The following ZBTB20 variants were observed in gnomAD, a reference collection of about 807,000 sequenced individuals.
The protein encoded by ZBTB20 is zinc finger and BTB domain-containing protein 20.
Under a neutral mutation model 56.9 loss-of-function variants are expected in ZBTB20, and 9 were observed. That is an observed-to-expected ratio of 0.16 (90% CI 0.10 to 0.28). The LOEUF (loss-of-function observed/expected upper bound fraction) is 0.28. ZBTB20 is among the 10% of genes least tolerant of loss of function. ZBTB20 has a pLI of 1.00. For missense variants in ZBTB20, 655 were observed against 1,003.0 expected, an observed-to-expected ratio of 0.65 and a Z score of 4.69; for synonymous variants, 417 against 420.7, an observed-to-expected ratio of 0.99 and a Z score of 0.11.
chr3:114,930,736 G>A, intron 3 of ZBTB20: 1 of 240,308 alleles, frequency 4.2e-6, no homozygotes, highest in Non-Finnish European at 8.7e-6. Flanking sequence ...CTATGCGAAT[G>A]GCACCAAGGA....
At chr3:114,909,851 A>C (rs1184752184) in intron 3 of ZBTB20, among the ~76,000 whole-genome samples, 1 of 152,042 alleles carries the variant, frequency 6.6e-6, no homozygotes, top group Non-Finnish European at 1.5e-5. Context: ...GCTAAAAAGA[A>C]AAGACAAGAC....
In ZBTB20 at chr3:114,351,754, C is replaced by G. The variant is rs971637516; in HGVS notation, c.324G>C (p.Val108=). 2.2e-5 allele frequency: 36 copies of G among 1,613,918 alleles called. No homozygotes were observed. The highest frequency in any genetic ancestry group is 2.6e-5 in the Non-Finnish European group (31 of 1,179,978). ...RNRGHFCDVT[V]RIHGSMLRAH... ...CGCGCAGCATGCTCCCGTGGATGCGCACCGTTACGTCACAGAAGTGGCCAC... is the reference window on the plus strand; with the variant it reads ...CGCGCAGCATGCTCCCGTGGATGCGGACCGTTACGTCACAGAAGTGGCCAC... The change falls in exon 11 of 12, where the codon GTG becomes GTC. Residue 108 remains valine (V), a synonymous_variant. Transcript: ENST00000675478.
At chr3:114,860,916 A>G (rs758237403) in intron 4 of ZBTB20, among the ~76,000 whole-genome samples, 3 of 152,252 alleles carry the variant, frequency 2.0e-5, no homozygotes, top group Non-Finnish European at 4.4e-5. Flanking sequence ...GAATCGCCTC[A>G]TAAGCATGTC....
intron 7 of ZBTB20, among the ~76,000 whole-genome samples, chr3:114,404,449 G>A (rs2087110446): frequency 6.6e-6 from 1 of 152,108 alleles, no homozygotes; most frequent in East Asian, 1.9e-4. Flanking sequence ...ATTTACTTCA[G>A]TTGAAGCAGT....
intron 1 of ZBTB20, among the ~76,000 whole-genome samples, chr3:115,084,672 A>C (rs2082920529): frequency 6.6e-6 from 1 of 152,006 alleles, no homozygotes; most frequent in Non-Finnish European, 1.5e-5. Context: ...ACAAAGAAAT[A>C]ATCTTGAGTA....
intron 6 of ZBTB20, among the ~76,000 whole-genome samples, chr3:114,525,835 G>A (rs1025021419): frequency 6.6e-6 from 1 of 152,152 alleles, no homozygotes; most frequent in Non-Finnish European, 1.5e-5. Flanking sequence ...CCTGCTGTTA[G>A]CTAAATCTAA....
At chr3:114,611,374 C>A (rs538860307) in intron 6 of ZBTB20, among the ~76,000 whole-genome samples, 1 of 152,108 alleles carries the variant, frequency 6.6e-6, no homozygotes, top group Admixed American at 6.5e-5. Context: ...AACTCACAAA[C>A]GGGAACACAG....
At position 114,329,048 on chromosome 3, in the gene ZBTB20, T is replaced by C. The variant is rs1476934661; in HGVS notation, c.*9957A>G. On this transcript the variant is annotated 3_prime_UTR_variant, in exon 12 of 12. Coordinates refer to ENST00000675478, the MANE Select transcript of ZBTB20 (RefSeq NM_001348800.3). ...GAGAACAGATTGGTAATTTTGCCAT[T>C]ACACTAGACATTAGCCCTTTCAAAG... is the stretch of plus-strand genomic sequence containing the variant. The C allele has an allele frequency of 2.0e-5, 3 of 152,252 alleles. No individual in the cohort carries two copies. Among genetic ancestry groups the C allele is most frequent in the East Asian group, 3.8e-4 (2 of 5,206 alleles). 9.4% of individuals were successfully genotyped at this position (152,252 alleles called of 1,614,324 possible). A position where few individuals can be genotyped will look rare whatever the true frequency, so the allele number is the denominator to read the frequency against.
At chr3:114,689,490 G>T (rs974148748) in intron 6 of ZBTB20, among the ~76,000 whole-genome samples, 4 of 152,064 alleles carry the variant, frequency 2.6e-5, no homozygotes, top group Non-Finnish European at 1.5e-5. Context: ...TCTAAGAAAT[G>T]TCTTATAGCT....
At chr3:115,069,865 AT>A (rs138269043) in intron 2 of ZBTB20, among the ~76,000 whole-genome samples, 2,855 of 152,046 alleles carry the variant, frequency 0.019, 35 homozygotes, top group South Asian at 0.032. Context: ...AAAAAAAAAA[AT>A]ATTCTTGGGT....
At chr3:114,782,556 A>T (rs1209767075) in intron 5 of ZBTB20, among the ~76,000 whole-genome samples, 1 of 152,154 alleles carries the variant, frequency 6.6e-6, no homozygotes, top group Non-Finnish European at 1.5e-5. Context: ...TTTCTTTTTT[A>T]AAAATGCATG....
At chr3:115,101,668 T>C (rs900572105) in intron 1 of ZBTB20, among the ~76,000 whole-genome samples, 3 of 152,164 alleles carry the variant, frequency 2.0e-5, no homozygotes, top group Admixed American at 1.3e-4. Context: ...AACATTATAA[T>C]AGAGGTAAAA....
chr3:114,998,819 A>T (rs986674480), intron 2 of ZBTB20, among the ~76,000 whole-genome samples: 4 of 151,544 alleles, frequency 2.6e-5, no homozygotes, highest in Non-Finnish European at 1.5e-5. Flanking sequence ...TATTCAAATG[A>T]AGATGTCTAG....
chr3:114,835,000 C>T (rs2074049084), intron 4 of ZBTB20, among the ~76,000 whole-genome samples: 1 of 152,134 alleles, frequency 6.6e-6, no homozygotes, highest in Non-Finnish European at 1.5e-5. Flanking sequence ...CCCCAAAATA[C>T]TCTTTCCCAC....
At chr3:114,955,878 T>C (rs2107940425) in intron 3 of ZBTB20, among the ~76,000 whole-genome samples, 1 of 152,212 alleles carries the variant, frequency 6.6e-6, no homozygotes, top group South Asian at 2.1e-4. Context: ...AAGTGGAAAA[T>C]AACCAGGAGG....
At chr3:115,145,894 G>C (rs779537890) in intron 1 of ZBTB20, among the ~76,000 whole-genome samples, 2 of 152,192 alleles carry the variant, frequency 1.3e-5, no homozygotes, top group African/African-American at 2.4e-5. Flanking sequence ...AGTAACTTCA[G>C]AATAGCGTTC....
At chr3:114,998,630 T>C (rs1286395688) in intron 2 of ZBTB20, among the ~76,000 whole-genome samples, 7 of 151,814 alleles carry the variant, frequency 4.6e-5, no homozygotes, top group African/African-American at 1.2e-4. Flanking sequence ...ATTTCAAAGA[T>C]GTAGATTCAA....
chr3:114,578,923 T>G (rs1196779793), intron 6 of ZBTB20, among the ~76,000 whole-genome samples: 1 of 151,796 alleles, frequency 6.6e-6, no homozygotes, highest in Non-Finnish European at 1.5e-5. Flanking sequence ...TGATCACCAC[T>G]TTTGAATATG....
intron 4 of ZBTB20, among the ~76,000 whole-genome samples, chr3:114,891,287 T>TA (rs1003289963): frequency 7.9e-5 from 12 of 152,068 alleles, no homozygotes; most frequent in South Asian, 2.1e-4. Context: ...CTGCCTAACT[T>TA]AAAAAAAATG....
Sources: gnomAD v4.1 joint callset for allele counts (sites outside exome capture counted in the v4.1 genomes callset) on GRCh38, gnomAD v4.1.1 for gene constraint, MANE v1.5 for transcripts, NCBI Gene and HGNC (gene_info 2026-07-23, HGNC 2026-07-21) for gene names.